The following LMLN variants were observed in gnomAD, a reference collection of about 807,000 sequenced individuals.
LMLN encodes leishmanolysin like peptidase.
LMLN carries 70 observed loss-of-function variants against 92.3 expected under a neutral mutation model. The observed-to-expected ratio is 0.76, with a 90% confidence interval of 0.63 to 0.92. The LOEUF (loss-of-function observed/expected upper bound fraction) is 0.92, where lower values mean the gene tolerates loss of function less well. LMLN is among the 40% of genes least tolerant of loss of function. The pLI is 0.00. For synonymous variants in LMLN, 308 were observed against 296.2 expected (o/e 1.04, Z -0.41); for missense variants, 691 against 814.6 (o/e 0.85, Z 1.85).
chr3:198,021,503 G>T (rs746474441), exon 13 of LMLN: 2 of 1,614,070 alleles, frequency 1.2e-6, no homozygotes, highest in Non-Finnish European at 1.7e-6. Flanking sequence ...TGGTGGCTCC[G>T]TGGAAATTGC....
At chr3:198,034,775 GTGAC>G (rs1476315196) in intron 14 of LMLN, among the ~76,000 whole-genome samples, 4 of 152,178 alleles carry the variant, frequency 2.6e-5, no homozygotes, top group Non-Finnish European at 5.9e-5. Context: ...TAAAATTCCT[GTGAC>G]TGAGCAGAGC....
intron 9 of LMLN, among the ~76,000 whole-genome samples, chr3:197,994,247 A>G (rs1321981073): frequency 1.3e-5 from 2 of 152,238 alleles, no homozygotes; most frequent in Non-Finnish European, 2.9e-5. Context: ...TGCAGGCAAC[A>G]AAAATAAAAA....
chr3:198,040,515 C>T (rs976129724), exon 16 of LMLN: 3 of 151,752 alleles, frequency 2.0e-5, no homozygotes, highest in African/African-American at 7.3e-5. Context: ...TAACCACAAC[C>T]CTCGGACAGA....
chr3:197,979,321 G>A (rs182539611), intron 5 of LMLN, among the ~76,000 whole-genome samples: 59 of 152,170 alleles, frequency 3.9e-4, no homozygotes, highest in African/African-American at 1.4e-3. Context: ...TGGAGATTAT[G>A]ATTACTTGGG....
Position 197,990,551 on chromosome 3 carries a change from A to T in LMLN, c.930-8A>T. ...AGTAATAATTGTGTTTTAATTCTATAATTACAGTCTGGGATTATATCAATG... is the reference window on the plus strand; with the variant it reads ...AGTAATAATTGTGTTTTAATTCTATTATTACAGTCTGGGATTATATCAATG... On this transcript the variant is annotated splice_polypyrimidine_tract_variant and splice_region_variant and intron_variant, in intron 8 of 15. Transcript: ENST00000330198. 1 of 1,204,088 alleles carries T rather than the reference A, an allele frequency of 8.3e-7. No individual in the cohort carries two copies. The highest frequency in any genetic ancestry group is 1.2e-6 in the Non-Finnish European group (1 of 815,028). The allele number at this position is 1,204,088 out of a possible 1,614,324, so 74.6% of individuals were successfully genotyped here.
intron 1 of LMLN, among the ~76,000 whole-genome samples, chr3:197,966,028 T>C (rs150120254): frequency 6.6e-6 from 1 of 152,164 alleles, no homozygotes; most frequent in African/African-American, 2.4e-5. Context: ...CATTACAACA[T>C]ATATCTTTTG....
intron 11 of LMLN, among the ~76,000 whole-genome samples, chr3:198,018,266 A>T (rs1722692898): frequency 1.3e-5 from 2 of 152,252 alleles, no homozygotes; most frequent in Admixed American, 6.5e-5. Context: ...TTCCATATTC[A>T]TTGGAAGCTT....
intron 13 of LMLN, 32 bp from the exon 15 acceptor site, chr3:198,024,626 A>G: frequency 6.5e-7 from 1 of 1,528,796 alleles, no homozygotes; most frequent in Non-Finnish European, 8.8e-7. Context: ...CCAAAAGTCA[A>G]TTTTTAAGGA....
intron 11 of LMLN, among the ~76,000 whole-genome samples, chr3:198,013,961 A>G (rs1722534229): frequency 7.5e-6 from 1 of 133,426 alleles, no homozygotes; most frequent in Non-Finnish European, 1.6e-5. Context: ...AGAGCCCCCT[A>G]ACTAGTCTGA....
At chr3:198,028,655 TA>T (rs1420717435) in intron 14 of LMLN, among the ~76,000 whole-genome samples, 1 of 152,210 alleles carries the variant, frequency 6.6e-6, no homozygotes, top group Non-Finnish European at 1.5e-5. Context: ...TATAAATTTT[TA>T]AGTAATTTAT....
chr3:197,985,538 A>G (rs1443495248), intron 7 of LMLN: 2 of 245,816 alleles, frequency 8.1e-6, no homozygotes, highest in Admixed American at 4.9e-5. Context: ...TAGTATTTCT[A>G]CTGAATATAA....
intron 10 of LMLN, 98 bp downstream of exon 10, chr3:197,996,380 T>A (rs1653130156): frequency 1.5e-5 from 10 of 682,608 alleles, no homozygotes; most frequent in Non-Finnish European, 1.9e-5. Flanking sequence ...GAAAAATGTT[T>A]ACGTCCCTTT....
chr3:198,043,504 T>G (rs931735556), exon 16 of LMLN: 3 of 152,648 alleles, frequency 2.0e-5, no homozygotes, highest in Admixed American at 2.0e-4. Flanking sequence ...AAGATTTTAA[T>G]GAAGTCTGTG....
chr3:198,013,808 CT>C (rs1309607622), intron 11 of LMLN, among the ~76,000 whole-genome samples: 2 of 141,098 alleles, frequency 1.4e-5, no homozygotes, highest in African/African-American at 5.9e-5. Flanking sequence ...CCTTCAGAGC[CT>C]CCTAACTAGT....
chr3:197,980,597 C>T (rs182365044), intron 6 of LMLN, 93 bp downstream of exon 6: 106 of 1,281,662 alleles, frequency 8.3e-5, no homozygotes, highest in Admixed American at 1.2e-4. Flanking sequence ...AGGAATCTTG[C>T]ATTTGCCAGA....
At chr3:198,038,628 T>C (rs758722628) in exon 16 of LMLN, 2 of 1,614,118 alleles carry the variant, frequency 1.2e-6, no homozygotes, top group Non-Finnish European at 1.7e-6. Context: ...GCAATCTGTT[T>C]CCTCTGCTGG....
In LMLN at chr3:197,975,085, T is replaced by C; in HGVS notation, c.348+13T>C. 4 of 1,389,906 alleles carry C rather than the reference T, an allele frequency of 2.9e-6. No individual in the cohort carries two copies. Among genetic ancestry groups the C allele is most frequent in the Non-Finnish European group, 4.0e-6 (4 of 994,606 alleles). The allele number at this position is 1,389,906 out of a possible 1,614,324, so 86.1% of individuals were successfully genotyped here. On this transcript the variant is annotated intron_variant, in intron 3 of 15. Transcript: ENST00000330198. ...GAATCTTGTAAAGGTATGTAATAAA[T>C]ACTCATAACTTGAATTGGACACTTA...
At chr3:198,014,443 A>C (rs1451728139) in intron 11 of LMLN, among the ~76,000 whole-genome samples, 3 of 113,784 alleles carry the variant, frequency 2.6e-5, no homozygotes. Flanking sequence ...GAGCCCCCTA[A>C]CTAGTCTGAC....
In LMLN at chr3:198,038,592, G is replaced by T. The variant is rs143187271; in HGVS notation, c.1893G>T (p.Leu631=). The T allele has an allele frequency of 6.9e-4, 1,111 of 1,613,956 alleles. 5 individuals are homozygous for T. The Middle Eastern group carries it at 8.1e-3, about 12-fold the overall frequency. The change falls in exon 16 of 16, where the codon CTG becomes CTT. Residue 631 remains leucine, a synonymous_variant. Coordinates refer to ENST00000330198, the Ensembl canonical transcript of LMLN. ...ATCTTTGTTCCTGTTCCTCGAGCCTGGTGGTCACCCTCTGGCTTCTGCTAG... is the reference window on the plus strand; with the variant it reads ...ATCTTTGTTCCTGTTCCTCGAGCCTTGTGGTCACCCTCTGGCTTCTGCTAG...
Sources: gnomAD v4.1 joint callset for allele counts (sites outside exome capture counted in the v4.1 genomes callset) on GRCh38, gnomAD v4.1.1 for gene constraint, MANE v1.5 for transcripts, NCBI Gene and HGNC (gene_info 2026-07-23, HGNC 2026-07-21) for gene names.